IL1R1: variants seen among roughly 807,000 people sequenced by gnomAD.
IL1R1 encodes interleukin-1 receptor type 1.
In IL1R1, 22 loss-of-function variants were observed where a neutral mutation model predicts 50.2. The observed-to-expected ratio is 0.44, with a 90% confidence interval of 0.31 to 0.63. The LOEUF is 0.63. Among genes scored for constraint, IL1R1 ranks in the 20% least tolerant of loss-of-function variants. The pLI is 0.07. For synonymous variants in IL1R1, 251 were observed against 236.7 expected (o/e 1.06, Z -0.55); for missense variants, 509 against 676.2 (o/e 0.75, Z 2.74).
At chr2:102,095,269 T>C (rs1279098405) in intron 1 of IL1R1, among the ~76,000 whole-genome samples, 1 of 152,220 alleles carries the variant, frequency 6.6e-6, no homozygotes, top group African/African-American at 2.4e-5. Context: ...ACTTGTGTTA[T>C]GGCAAAAAGA....
At chr2:102,128,568 A>G (rs765016972) in intron 1 of IL1R1, among the ~76,000 whole-genome samples, 1 of 152,242 alleles carries the variant, frequency 6.6e-6, no homozygotes, top group East Asian at 1.9e-4. Context: ...GAATTGAGGC[A>G]TAAGAGAAGT....
chr2:102,153,593 G>C (rs1362150690), intron 1 of IL1R1, among the ~76,000 whole-genome samples: 2 of 151,348 alleles, frequency 1.3e-5, no homozygotes, highest in African/African-American at 2.5e-5. Flanking sequence ...GAGGTGATTA[G>C]ATCATGGGGG....
intron 1 of IL1R1, among the ~76,000 whole-genome samples, chr2:102,115,580 G>C (rs1440097339): frequency 6.6e-6 from 1 of 152,170 alleles, no homozygotes; most frequent in African/African-American, 2.4e-5. Context: ...CATCAGAGAG[G>C]GGGAGATGAA....
intron 1 of IL1R1, among the ~76,000 whole-genome samples, chr2:102,130,416 T>C: frequency 6.6e-6 from 1 of 152,188 alleles, no homozygotes; most frequent in East Asian, 1.9e-4. Flanking sequence ...ACCCTGGAAA[T>C]AGTAGATTTG....
chr2:102,143,624 C>T (rs1433395579), intron 1 of IL1R1, among the ~76,000 whole-genome samples: 2 of 152,180 alleles, frequency 1.3e-5, no homozygotes, highest in Non-Finnish European at 2.9e-5. Flanking sequence ...GCGGGGGAAG[C>T]AGAAGTTTAG....
chr2:102,108,777 G>C (rs1296714676), intron 1 of IL1R1, among the ~76,000 whole-genome samples: 1 of 151,952 alleles, frequency 6.6e-6, no homozygotes. Context: ...CCAAGGATAG[G>C]ACCAGGAAAA....
At chr2:102,168,314 A>G (rs1294638052) in intron 6 of IL1R1, among the ~76,000 whole-genome samples, 1 of 152,144 alleles carries the variant, frequency 6.6e-6, no homozygotes, top group African/African-American at 2.4e-5. Context: ...TAAGAGAGGC[A>G]TTTGTCTGGG....
At chr2:102,088,782 A>G (rs1303733970) in intron 1 of IL1R1, among the ~76,000 whole-genome samples, 4 of 152,240 alleles carry the variant, frequency 2.6e-5, no homozygotes, top group Non-Finnish European at 4.4e-5. Context: ...TTACCTAGAT[A>G]TGTGTAACTT....
rs1577943720 is a variant in IL1R1, at chr2:102,142,746, A to T, written c.-358A>T. ...GGCTAGAGCCAGAGCCGCGCCCGGC[A>T]GTTCCCGGCCGCGAGGGCGGGCGCA... On this transcript the variant is annotated 5_prime_UTR_variant, in exon 1 of 12. Coordinates refer to ENST00000410023, the MANE Select transcript of IL1R1 (RefSeq NM_000877.4). The T allele has an allele frequency of 6.7e-6, 1 of 149,986 alleles. No homozygotes were observed. The highest frequency in any genetic ancestry group is 2.0e-4 in the East Asian group (1 of 5,070). The allele number at this position is 149,986 out of a possible 1,614,324, so 9.3% of individuals were successfully genotyped here.
chr2:102,100,055 G>A (rs1293061863), upstream of IL1R1, among the ~76,000 whole-genome samples: 1 of 152,030 alleles, frequency 6.6e-6, no homozygotes, highest in East Asian at 1.9e-4. Context: ...CCAACCCCTG[G>A]CTTGGCCTCG....
intron 2 of IL1R1, among the ~76,000 whole-genome samples, 191 bp from the exon 3 acceptor site, chr2:102,157,528 T>A (rs1262703685): frequency 2.6e-5 from 4 of 152,194 alleles, no homozygotes; most frequent in Non-Finnish European, 5.9e-5. Context: ...TTTATCCCTT[T>A]TTGTTCCCCA....
chr2:102,082,646 A>C (rs1359690556), intron 1 of IL1R1, among the ~76,000 whole-genome samples: 1 of 152,018 alleles, frequency 6.6e-6, no homozygotes, highest in Non-Finnish European at 1.5e-5. Flanking sequence ...AACAGAACAA[A>C]CGCCCTGGAG....
Position 102,176,966 on chromosome 2 carries a change from T to G in IL1R1, c.*207T>G. On this transcript the variant is annotated 3_prime_UTR_variant, in exon 12 of 12. Transcript: ENST00000410023. ...CTTCAGAGTAGAGGGCTTGGGAAGA[T>G]CTTTTAAAAAGGCAGTAGGCCCGGT... is the stretch of plus-strand genomic sequence containing the variant. 1 of 555,346 alleles carries G rather than the reference T, an allele frequency of 1.8e-6. No individual in the cohort carries two copies. Among genetic ancestry groups the G allele is most frequent in the South Asian group, 2.6e-5 (1 of 38,566 alleles). The allele number at this position is 555,346 out of a possible 1,614,324, so 34.4% of individuals were successfully genotyped here.
intron 1 of IL1R1, among the ~76,000 whole-genome samples, chr2:102,134,798 C>A (rs940046545): frequency 1.3e-5 from 2 of 152,236 alleles, no homozygotes; most frequent in Non-Finnish European, 2.9e-5. Context: ...AAGAAACTCT[C>A]ATCCTAGTAA....
intron 1 of IL1R1, among the ~76,000 whole-genome samples, chr2:102,114,689 C>T (rs1436766088): frequency 2.0e-5 from 3 of 152,152 alleles, no homozygotes; most frequent in South Asian, 2.1e-4. Context: ...TTTATGTAAC[C>T]GCAAGATCAG....
intron 1 of IL1R1, among the ~76,000 whole-genome samples, chr2:102,095,444 T>C (rs1274747296): frequency 6.6e-6 from 1 of 152,162 alleles, no homozygotes; most frequent in Non-Finnish European, 1.5e-5. Flanking sequence ...ACTTAAAAAT[T>C]TTTACATTAA....
At chr2:102,142,238 G>A (rs781715971), upstream of IL1R1, 2 of 152,130 alleles carry the variant, frequency 1.3e-5, no homozygotes, top group Non-Finnish European at 2.9e-5. Flanking sequence ...TCCATGAGAT[G>A]AGTGCTCTTA....
intron 1 of IL1R1, among the ~76,000 whole-genome samples, chr2:102,098,277 A>G (rs1679990036): frequency 6.6e-6 from 1 of 152,196 alleles, no homozygotes; most frequent in Admixed American, 6.5e-5. Flanking sequence ...GATGTCTACT[A>G]AAAACCTAGA....
chr2:102,123,835 G>A (rs1681537153), intron 1 of IL1R1, among the ~76,000 whole-genome samples: 1 of 151,880 alleles, frequency 6.6e-6, no homozygotes, highest in South Asian at 2.1e-4. Context: ...TGAATTCAAT[G>A]TAAAAAAATT....
Sources: allele counts gnomAD v4.1 joint callset (sites outside exome capture counted in the v4.1 genomes callset), GRCh38; gene constraint gnomAD v4.1.1; transcripts MANE v1.5; gene names NCBI Gene and HGNC (gene_info 2026-07-23, HGNC 2026-07-21).